CLIP1: variants seen among roughly 807,000 people sequenced by gnomAD.
CLIP1 encodes the protein CAP-Gly domain containing linker protein 1.
In CLIP1, 66 loss-of-function variants were observed where a neutral mutation model predicts 161.6. That is an observed-to-expected ratio of 0.41 (90% CI 0.33 to 0.50). CLIP1 has a LOEUF of 0.50. Ranked by LOEUF, CLIP1 falls within the 20% of genes least tolerant of loss-of-function variation. CLIP1 has a pLI of 0.27. For missense variants in CLIP1, 1,376 were observed against 1,702.0 expected (o/e 0.81, Z 3.37); for synonymous variants, 598 against 626.2 (o/e 0.96, Z 0.67).
At chr12:122,314,215 C>T (rs751709373) in intron 19 of CLIP1, among the ~76,000 whole-genome samples, 10 of 149,772 alleles carry the variant, frequency 6.7e-5, no homozygotes, top group Non-Finnish European at 1.0e-4. Context: ...CGCTTCAACC[C>T]GGGAGGCGGA....
intron 3 of CLIP1, among the ~76,000 whole-genome samples, chr12:122,368,486 T>C (rs187126609): frequency 2.0e-5 from 3 of 152,294 alleles, no homozygotes; most frequent in Non-Finnish European, 4.4e-5. Context: ...CTCTTCATTA[T>C]CCAGTTCTCG....
At chr12:122,293,065 A>T (rs1469823544) in intron 20 of CLIP1, among the ~76,000 whole-genome samples, 3 of 151,722 alleles carry the variant, frequency 2.0e-5, no homozygotes, top group Non-Finnish European at 4.4e-5. Context: ...GGGAGAAAAC[A>T]TTCGCAAAAC....
chr12:122,305,692 T>G (rs191520904), intron 20 of CLIP1, among the ~76,000 whole-genome samples: 3 of 152,242 alleles, frequency 2.0e-5, no homozygotes, highest in East Asian at 3.9e-4. Flanking sequence ...ATTTCACATC[T>G]GAGTCAGTGG....
At chr12:122,320,316 A>G (rs1316943549) in intron 17 of CLIP1, among the ~76,000 whole-genome samples, 1 of 152,026 alleles carries the variant, frequency 6.6e-6, no homozygotes, top group African/African-American at 2.4e-5. Flanking sequence ...AATAAATGAA[A>G]ATATAGCTAG....
Position 122,321,242 on chromosome 12 carries a change from CT to C in CLIP1, c.3250-1895del, listed in dbSNP as rs139695589. 4.1e-3 allele frequency among the ~76,000 whole-genome samples: 584 copies of C among 142,632 alleles called. 1 individual carries two copies. Among genetic ancestry groups the C allele is most frequent in the African/African-American group, 6.1e-3 (238 of 39,118 alleles). 93.6% of individuals were successfully genotyped at this position (142,632 alleles called of 152,430 possible). A position where few individuals can be genotyped will look rare whatever the true frequency, so the allele number is the denominator to read the frequency against. ...TATTTCAATATGTGCCAATTTATTG[CT>C]TTTTTTTTTTTTCCCTTGAGACAGA... On this transcript the variant is annotated intron_variant, in intron 17 of 25. Transcript: ENST00000620786.
chr12:122,301,744 T>G (rs1950687757), intron 20 of CLIP1, among the ~76,000 whole-genome samples: 1 of 152,174 alleles, frequency 6.6e-6, no homozygotes, highest in African/African-American at 2.4e-5. Flanking sequence ...AGCTCTCTGT[T>G]TACTTGGATT....
intron 17 of CLIP1, among the ~76,000 whole-genome samples, chr12:122,320,997 C>G (rs899941846): frequency 2.0e-5 from 3 of 149,988 alleles, no homozygotes; most frequent in Admixed American, 2.0e-4. Context: ...TGTAAGCCAC[C>G]GCACCCGGTG....
intron 17 of CLIP1, among the ~76,000 whole-genome samples, chr12:122,325,585 G>C (rs1262478777): frequency 6.6e-6 from 1 of 152,086 alleles, no homozygotes; most frequent in Admixed American, 6.6e-5. Context: ...AGTTTCAAGC[G>C]ATCCTCTTTT....
intron 18 of CLIP1, among the ~76,000 whole-genome samples, chr12:122,318,404 G>A (rs1357333715): frequency 6.6e-6 from 1 of 152,090 alleles, no homozygotes; most frequent in Non-Finnish European, 1.5e-5. Flanking sequence ...GTGGTAGTGG[G>A]CACCTGTAAT....
chr12:122,406,161 G>A (rs924943948), intron 1 of CLIP1, among the ~76,000 whole-genome samples: 4 of 152,154 alleles, frequency 2.6e-5, no homozygotes, highest in Non-Finnish European at 5.9e-5. Context: ...AAAGGTCAAT[G>A]CCGGCCAGCT....
In CLIP1 at chr12:122,397,884, G is replaced by A. The variant is rs1955985067; in HGVS notation, c.-106-17326C>T. 1.3e-5 allele frequency among the ~76,000 whole-genome samples: 2 copies of A among 151,692 alleles called. 1 individual carries two copies. The highest frequency in any genetic ancestry group is 4.2e-4 in the South Asian group (2 of 4,806). ...GCAGGATAATCGCTTGAAGCCAGGA[G>A]GCAGAGGTTGCAGTGAGCCAAGATT... On this transcript the variant is annotated intron_variant, in intron 1 of 25. Transcript: ENST00000620786.
chr12:122,325,510 C>T (rs1951677865), intron 17 of CLIP1, among the ~76,000 whole-genome samples: 1 of 151,994 alleles, frequency 6.6e-6, no homozygotes, highest in South Asian at 2.1e-4. Context: ...GAGGCAGAGT[C>T]TCACTCTGTG....
chr12:122,390,241 CAT>C (rs1270298293), intron 1 of CLIP1, among the ~76,000 whole-genome samples: 37 of 112,520 alleles, frequency 3.3e-4, no homozygotes, highest in East Asian at 3.9e-4. Flanking sequence ...TATACACACA[CAT>C]ATATATACAC....
At chr12:122,377,308 C>T in intron 3 of CLIP1, 81 bp downstream of exon 3, 1 of 1,339,176 alleles carries the variant, frequency 7.5e-7, no homozygotes, top group Non-Finnish European at 1.0e-6. Flanking sequence ...GCGCCCAGCC[C>T]TGATGTGTGT....
chr12:122,287,194 G>C (rs377324356), intron 21 of CLIP1, among the ~76,000 whole-genome samples: 1 of 151,882 alleles, frequency 6.6e-6, no homozygotes, highest in East Asian at 1.9e-4. Context: ...ATTAAAAAAA[G>C]AAAAAAGAAA....
intron 25 of CLIP1, among the ~76,000 whole-genome samples, chr12:122,273,651 T>G (rs935527355): frequency 3.3e-5 from 5 of 151,994 alleles, no homozygotes; most frequent in Admixed American, 1.3e-4. Flanking sequence ...AAACATTTGT[T>G]TTTTTTTGTT....
chr12:122,319,404 G>A (rs1181137662), intron 17 of CLIP1, 56 bp from the exon 18 acceptor site: 1 of 1,331,868 alleles, frequency 7.5e-7, no homozygotes, highest in Non-Finnish European at 1.1e-6. Flanking sequence ...ACACCGTTAG[G>A]TGAGGATCGG....
chr12:122,421,393 T>C (rs1956936328), intron 1 of CLIP1, among the ~76,000 whole-genome samples: 1 of 151,986 alleles, frequency 6.6e-6, no homozygotes, highest in South Asian at 2.1e-4. Context: ...GTGGATACCA[T>C]CGCTAACAGT....
intron 1 of CLIP1, among the ~76,000 whole-genome samples, chr12:122,396,933 ATTTTTTTTTTT>A (rs34381270): frequency 9.3e-5 from 7 of 75,060 alleles, no homozygotes; most frequent in Non-Finnish European, 1.4e-4. Flanking sequence ...CACCCGGCAA[ATTTTTTTTTTT>A]TTTTTTTTTT....
Sources: allele counts gnomAD v4.1 joint callset (sites outside exome capture counted in the v4.1 genomes callset), GRCh38; gene constraint gnomAD v4.1.1; transcripts MANE v1.5; gene names NCBI Gene and HGNC (gene_info 2026-07-23, HGNC 2026-07-21).